TWIST2: variants seen among roughly 807,000 people sequenced by gnomAD.
The protein encoded by TWIST2 is twist-related protein 2.
TWIST2 carries 1 observed loss-of-function variant against 11.6 expected under a neutral mutation model. That is an observed-to-expected ratio of 0.09 (90% CI 0.03 to 0.41). TWIST2 has a LOEUF of 0.41. TWIST2 is among the 10% of genes least tolerant of loss of function. The probability of loss-of-function intolerance (pLI) is 0.98; values close to 1 mark genes in which losing one functional copy is unlikely to be tolerated. For missense variants in TWIST2, 168 were observed against 226.4 expected (o/e 0.74, Z 1.66); for synonymous variants, 87 against 96.6 (o/e 0.90, Z 0.58).
chr2:238,875,509 C>G (rs1055156835), intron 1 of TWIST2, among the ~76,000 whole-genome samples: 3 of 152,138 alleles, frequency 2.0e-5, no homozygotes, highest in Admixed American at 2.0e-4. Context: ...AGGGTATATC[C>G]TCTGTGGCTT....
intron 1 of TWIST2, among the ~76,000 whole-genome samples, chr2:238,899,141 T>C (rs1693240840): frequency 6.6e-6 from 1 of 152,254 alleles, no homozygotes; most frequent in East Asian, 1.9e-4. Context: ...TGCCAAGCCA[T>C]GTGACCGCTG....
chr2:238,856,693 G>A (rs529455495), intron 1 of TWIST2, among the ~76,000 whole-genome samples: 3 of 152,250 alleles, frequency 2.0e-5, no homozygotes, highest in Admixed American at 6.5e-5. Context: ...TGTTGGGGCC[G>A]TGTGCCTCTC....
chr2:238,876,680 G>A (rs544879792), intron 1 of TWIST2, among the ~76,000 whole-genome samples: 196 of 152,308 alleles, frequency 1.3e-3, no homozygotes, highest in Non-Finnish European at 2.4e-3. Context: ...AGAATAGGGC[G>A]CTGTGAAGAA....
intron 1 of TWIST2, among the ~76,000 whole-genome samples, chr2:238,874,107 G>A (rs1322360506): frequency 2.0e-5 from 3 of 152,144 alleles, no homozygotes; most frequent in Admixed American, 6.5e-5. Context: ...AGGGGATGGC[G>A]ATTGTCTGTC....
At chr2:238,858,731 C>T (rs1231602622) in intron 1 of TWIST2, among the ~76,000 whole-genome samples, 1 of 152,140 alleles carries the variant, frequency 6.6e-6, no homozygotes, top group Non-Finnish European at 1.5e-5. Flanking sequence ...CCAATATAAC[C>T]CTGCAATTCC....
At chr2:238,851,194 A>C (rs1179748693) in intron 1 of TWIST2, among the ~76,000 whole-genome samples, 1 of 152,256 alleles carries the variant, frequency 6.6e-6, no homozygotes, top group African/African-American at 2.4e-5. Flanking sequence ...ACTAACAGCA[A>C]CAGCAGCACA....
intron 1 of TWIST2, among the ~76,000 whole-genome samples, chr2:238,877,831 G>A (rs1280001198): frequency 6.6e-6 from 1 of 152,176 alleles, no homozygotes; most frequent in Non-Finnish European, 1.5e-5. Flanking sequence ...AAGACTAAGA[G>A]AGCAAACACG....
Position 238,864,705 on chromosome 2 carries a change from A to G in TWIST2, c.*35+15972A>G, listed in dbSNP as rs1477084092. On this transcript the variant is annotated intron_variant, in intron 1 of 1. Transcript: ENST00000612363. This position sits in a 1 kb window ranked among gnomAD's most constrained non-coding sequence, Gnocchi z 4.7. ...GGGCCGTGGCTTGCTCTGTGGGGAC[A>G]CTGCCCTGGGGTCCACCCTGCCGCG... Among the ~76,000 whole-genome samples, 5 of 152,148 alleles carry G rather than the reference A, an allele frequency of 3.3e-5. No homozygotes were observed. Among genetic ancestry groups the G allele is most frequent in the African/African-American group, 1.2e-4 (5 of 41,446 alleles).
chr2:238,857,807 C>T (rs1692358281), intron 1 of TWIST2, among the ~76,000 whole-genome samples: 1 of 152,002 alleles, frequency 6.6e-6, no homozygotes, highest in Admixed American at 6.6e-5. Flanking sequence ...TGTGGTGGCA[C>T]ACGGCTGTAA....
In TWIST2 at chr2:238,899,030, C is replaced by A. The variant is rs1014096466; in HGVS notation, c.*36-10812C>A. On this transcript the variant is annotated intron_variant, in intron 1 of 1. Coordinates refer to ENST00000612363, the MANE Select transcript of TWIST2 (RefSeq NM_001271893.4). ...GGCAGAGGCTGCCATCTGTGCCCTG[C>A]TGCCCTCCGGCGTCTGACCTGGCAC... Among the ~76,000 whole-genome samples the A allele has an allele frequency of 5.7e-3, 871 of 152,382 alleles. 12 individuals carry two copies. Among genetic ancestry groups the A allele is most frequent in the African/African-American group, 0.02 (821 of 41,600 alleles).
In TWIST2 at chr2:238,848,419, C is replaced by T. The variant is rs1040458152; in HGVS notation, c.204C>T (p.Arg68=). Residue 68 remains arginine (R), a synonymous_variant, in exon 1 of 2, where the codon CGC becomes CGT. Coordinates refer to ENST00000612363, the MANE Select transcript of TWIST2 (RefSeq NM_001271893.4). ...CCTTCGAGGAGCTGCAGAGCCAGCGCATCCTGGCCAACGTGCGCGAGCGCC... is the reference window on the plus strand; with the variant it reads ...CCTTCGAGGAGCTGCAGAGCCAGCGTATCCTGGCCAACGTGCGCGAGCGCC... ...AQSFEELQSQ[R]ILANVRERQR... The T allele has an allele frequency of 3.2e-6, 5 of 1,540,362 alleles. No homozygotes were observed. Among genetic ancestry groups the T allele is most frequent in the Non-Finnish European group, 4.4e-6 (5 of 1,147,912 alleles).
Position 238,863,799 on chromosome 2 carries a change from T to C in TWIST2, c.*35+15066T>C, listed in dbSNP as rs1692476455. Among the ~76,000 whole-genome samples the C allele has an allele frequency of 6.6e-6, 1 of 152,180 alleles. No homozygotes were observed. Among genetic ancestry groups the C allele is most frequent in the Non-Finnish European group, 1.5e-5 (1 of 68,042 alleles). The stretch of plus-strand genomic sequence containing the variant: ...GCTACTAGAGACGTTTTATTCACTT[T>C]TTACCAGGATCAAAAATGAAAACCA... On this transcript the variant is annotated intron_variant, in intron 1 of 1. Coordinates refer to ENST00000612363, the MANE Select transcript of TWIST2 (RefSeq NM_001271893.4). The surrounding 1 kb of genome is among the most constrained non-coding windows in gnomAD (Gnocchi z 4.7).
intron 1 of TWIST2, among the ~76,000 whole-genome samples, chr2:238,856,766 C>G (rs140373196): frequency 0.014 from 2,190 of 152,168 alleles, 49 homozygotes; most frequent in African/African-American, 0.05. Context: ...ACATAGAAGA[C>G]AGCAGTTTCT....
chr2:238,862,563 G>C (rs1692453938), intron 1 of TWIST2, among the ~76,000 whole-genome samples: 1 of 152,156 alleles, frequency 6.6e-6, no homozygotes, highest in South Asian at 2.1e-4. Context: ...CCAGTATTGA[G>C]GAAGGTGGGG....
At chr2:238,870,579 A>ACACCC (rs1692660991) in intron 1 of TWIST2, among the ~76,000 whole-genome samples, 5 of 57,646 alleles carry the variant, frequency 8.7e-5, no homozygotes, top group South Asian at 6.5e-4. Flanking sequence ...CACACACCAC[A>ACACCC]CACACACACC....
intron 1 of TWIST2, among the ~76,000 whole-genome samples, chr2:238,879,038 C>T (rs1008309499): frequency 5.3e-5 from 8 of 152,206 alleles, no homozygotes; most frequent in Admixed American, 1.3e-4. Flanking sequence ...AATACCATGT[C>T]GCATGTATGC....
chr2:238,896,930 G>A (rs1394697864), intron 1 of TWIST2, among the ~76,000 whole-genome samples: 9 of 152,200 alleles, frequency 5.9e-5, no homozygotes, highest in African/African-American at 2.2e-4. Context: ...GCTTCCATTT[G>A]GAGAAAAGTA....
intron 1 of TWIST2, among the ~76,000 whole-genome samples, chr2:238,880,660 T>G (rs1692902966): frequency 1.1e-5 from 1 of 92,086 alleles, no homozygotes; most frequent in South Asian, 3.9e-4. Flanking sequence ...AGTGTCAGTA[T>G]TAGTATTAGT....
Position 238,901,788 on chromosome 2 carries a change from C to T in TWIST2, c.*36-8054C>T, listed in dbSNP as rs963844280. On this transcript the variant is annotated intron_variant, in intron 1 of 1. Transcript: ENST00000612363. ...GTGGCTTTGTGGGGTGGCCAGGACC[C>T]ATCGAGACCCATGGGGGTGGCTGGC... Among the ~76,000 whole-genome samples the T allele has an allele frequency of 2.8e-4, 42 of 152,236 alleles. No individual in the cohort carries two copies. The South Asian group carries it at 8.3e-3, about 30-fold the overall frequency.
Sources: allele counts gnomAD v4.1 joint callset (sites outside exome capture counted in the v4.1 genomes callset), GRCh38; gene constraint gnomAD v4.1.1; non-coding constraint Gnocchi (gnomAD v3.1); transcripts MANE v1.5; gene names NCBI Gene and HGNC (gene_info 2026-07-23, HGNC 2026-07-21).